RELCH: variants seen among roughly 807,000 people sequenced by gnomAD.
RELCH encodes the protein RAB11 binding and LisH domain, coiled-coil and HEAT repeat containing.
Under a neutral mutation model 150.3 loss-of-function variants are expected in RELCH, and 41 were observed. That is an observed-to-expected ratio of 0.27 (90% CI 0.21 to 0.35). The LOEUF is 0.35. RELCH is among the 10% of genes least tolerant of loss of function. The probability of loss-of-function intolerance (pLI) is 1.00; values close to 1 mark genes in which losing one functional copy is unlikely to be tolerated. For missense variants in RELCH, 1,092 were observed against 1,467.8 expected (o/e 0.74, Z 4.18); for synonymous variants, 478 against 531.8 (o/e 0.90, Z 1.39).
intron 13 of RELCH, among the ~76,000 whole-genome samples, chr18:62,257,699 A>G (rs1666726347): frequency 6.6e-6 from 1 of 151,978 alleles, no homozygotes; most frequent in Admixed American, 6.6e-5. Flanking sequence ...TTCAAAGTAG[A>G]TATTACTGCC....
intron 2 of RELCH, among the ~76,000 whole-genome samples, chr18:62,213,954 G>C (rs1459416513): frequency 6.6e-6 from 1 of 151,680 alleles, no homozygotes; most frequent in Non-Finnish European, 1.5e-5. Context: ...AAAGGGTAGT[G>C]GACCTGGATA....
chr18:62,282,957 C>T (rs1568431059), intron 25 of RELCH, among the ~76,000 whole-genome samples: 1 of 152,142 alleles, frequency 6.6e-6, no homozygotes, highest in Non-Finnish European at 1.5e-5. Context: ...CGCACCCGCC[C>T]TAGTGGATGG....
chr18:62,261,451 A>G, intron 15 of RELCH, 60 bp from the exon 16 acceptor site: 1 of 1,482,256 alleles, frequency 6.7e-7, no homozygotes, highest in Non-Finnish European at 9.3e-7. Flanking sequence ...TCATACATAA[A>G]TCCAATTAGC....
intron 1 of RELCH, among the ~76,000 whole-genome samples, chr18:62,191,366 T>A (rs1207184195): frequency 6.6e-6 from 1 of 152,226 alleles, no homozygotes; most frequent in East Asian, 1.9e-4. Context: ...GAGGTCCTTT[T>A]CCTGTGCCTT....
At chr18:62,219,963 G>A (rs1355051807) in intron 2 of RELCH, among the ~76,000 whole-genome samples, 2 of 151,980 alleles carry the variant, frequency 1.3e-5, no homozygotes, top group African/African-American at 2.4e-5. Flanking sequence ...CAGTTTTTAT[G>A]CAGAATGATT....
At chr18:62,276,246 G>A (rs1348692421) in intron 22 of RELCH, among the ~76,000 whole-genome samples, 2 of 152,030 alleles carry the variant, frequency 1.3e-5, no homozygotes, top group Admixed American at 6.6e-5. Flanking sequence ...GCTACCTAGT[G>A]ACTTTGTAAA....
chr18:62,238,115 A>G (rs1176804681), intron 10 of RELCH, among the ~76,000 whole-genome samples: 3 of 151,950 alleles, frequency 2.0e-5, no homozygotes, highest in Non-Finnish European at 4.4e-5. Flanking sequence ...TATTTCAAAG[A>G]TACTAAAAAG....
intron 22 of RELCH, among the ~76,000 whole-genome samples, chr18:62,276,878 C>T (rs2044240049): frequency 1.3e-5 from 2 of 152,016 alleles, no homozygotes; most frequent in African/African-American, 2.4e-5. Context: ...CAAGTTCCTT[C>T]TGGATATAAA....
chr18:62,221,538 C>A, intron 5 of RELCH, 41 bp downstream of exon 5: 2 of 831,082 alleles, frequency 2.4e-6, no homozygotes, highest in Non-Finnish European at 3.7e-6. Context: ...TTTTTCTACA[C>A]TTATAATTCA....
In RELCH at chr18:62,305,486, G is replaced by T; in HGVS notation, c.3603G>T (p.Leu1201Phe). ...AGTTTTTGAACAAAATGGGCCAGTTGACAACATCAGGTGCCATGTTGGCCA... is the reference window on the plus strand; with the variant it reads ...AGTTTTTGAACAAAATGGGCCAGTTTACAACATCAGGTGCCATGTTGGCCA... ...KTKFLNKMGQ[L>F]TTSGAMLANV... Residue 1201 changes from leucine (L) to phenylalanine (F), a missense_variant, in exon 29 of 29, where the codon TTG (leucine) becomes TTT (phenylalanine). This residue lies in a region of RELCH where 707 missense variants were observed against 1,025.4 expected (regional missense o/e 0.69). Coordinates refer to ENST00000644646, the MANE Select transcript of RELCH (RefSeq NM_001346231.2). This position sits in a 1 kb window ranked among gnomAD's most constrained non-coding sequence, Gnocchi z 4.0. The T allele has an allele frequency of 1.2e-6, 2 of 1,611,870 alleles. No homozygotes were observed. The highest frequency in any genetic ancestry group is 1.7e-4 in the Middle Eastern group (1 of 6,054).
At chr18:62,267,848 G>T (rs1293770113) in intron 19 of RELCH, among the ~76,000 whole-genome samples, 2 of 151,870 alleles carry the variant, frequency 1.3e-5, no homozygotes, top group Middle Eastern at 3.4e-3. Context: ...TGAATGTTTA[G>T]CTGTTGAAAT....
In RELCH at chr18:62,298,099, C is replaced by A. The variant is rs555782997; in HGVS notation, c.3460-691C>A. On this transcript the variant is annotated intron_variant, in intron 27 of 28. Transcript: ENST00000644646. ...GTCTGTTTTATTTGCTTTATCCCCC[C>A]CCGTCTAAAAAGATACCTAGCCCGT... Among the ~76,000 whole-genome samples the A allele has an allele frequency of 1.5e-4, 22 of 151,470 alleles. No individual in the cohort carries two copies. In the East Asian group the frequency reaches 3.7e-3, roughly 26 times the overall value.
rs1252136888 is a variant in RELCH, at chr18:62,280,597, T to G, written c.3051-49T>G. ...ACTTTAATATACATTTTAATAATAC[T>G]CGTTGTTCATCTCAAATCTTCAGTT... On this transcript the variant is annotated intron_variant, in intron 23 of 28. Coordinates refer to ENST00000644646, the MANE Select transcript of RELCH (RefSeq NM_001346231.2). 4 of 1,413,172 alleles carry G rather than the reference T, an allele frequency of 2.8e-6. No homozygotes were observed. The Admixed American group carries it at 6.8e-5, about 24-fold the overall frequency. 87.5% of individuals were successfully genotyped at this position (1,413,172 alleles called of 1,614,324 possible).
intron 23 of RELCH, among the ~76,000 whole-genome samples, 180 bp downstream of exon 23, chr18:62,280,036 A>G (rs374594590): frequency 6.6e-6 from 1 of 152,086 alleles, no homozygotes; most frequent in African/African-American, 2.4e-5. Context: ...TTTTAAATCA[A>G]CCCTCACCAT....
intron 11 of RELCH, chr18:62,245,942 G>A (rs1289572878): frequency 6.6e-6 from 1 of 152,122 alleles, no homozygotes; most frequent in Non-Finnish European, 1.5e-5. Flanking sequence ...CTTCTCCTCT[G>A]CTCTCCAAGT....
rs578250676 is a variant in RELCH at position 62,290,978 on chromosome 18, T to C, written c.3371-565T>C. ...GTTGATTATAGTTAAACATCTTCTT[T>C]CTCAGGTAAATCACATCTGTAATGC... is the stretch of plus-strand genomic sequence containing the variant. On this transcript the variant is annotated intron_variant, in intron 26 of 28. Coordinates refer to ENST00000644646, the MANE Select transcript of RELCH (RefSeq NM_001346231.2). 7.2e-5 allele frequency among the ~76,000 whole-genome samples: 11 copies of C among 152,350 alleles called. No individual in the cohort carries two copies. The East Asian group carries it at 2.1e-3, about 29-fold the overall frequency.
chr18:62,245,868 T>G (rs1227840054), intron 11 of RELCH: 2 of 152,112 alleles, frequency 1.3e-5, no homozygotes, highest in Non-Finnish European at 2.9e-5. Flanking sequence ...GCCCAAACCC[T>G]CTAGTGGAAG....
intron 11 of RELCH, 81 bp downstream of exon 11, chr18:62,244,957 G>GATTCAAATGCT: frequency 1.1e-6 from 1 of 913,662 alleles, no homozygotes; most frequent in Non-Finnish European, 1.8e-6. Context: ...ATTAGCATTT[G>GATTCAAATGCT]AATCTAAAAT....
chr18:62,251,911 G>A (rs565353781), intron 11 of RELCH, among the ~76,000 whole-genome samples: 2 of 152,202 alleles, frequency 1.3e-5, no homozygotes, highest in Non-Finnish European at 2.9e-5. Flanking sequence ...CACAGATGGT[G>A]TTGTCACTGC....
Sources: allele counts gnomAD v4.1 joint callset (sites outside exome capture counted in the v4.1 genomes callset), GRCh38; gene constraint gnomAD v4.1.1; regional missense constraint gnomAD v4.1.1; non-coding constraint Gnocchi (gnomAD v3.1); transcripts MANE v1.5; gene names NCBI Gene and HGNC (gene_info 2026-07-23, HGNC 2026-07-21).